Variants in PIK3C2G observed in about 807,000 individuals in gnomAD.
PIK3C2G encodes the protein phosphatidylinositol 3-kinase C2 domain-containing subunit gamma.
In PIK3C2G, 168 loss-of-function variants were observed where a neutral mutation model predicts 181.1. That is an observed-to-expected ratio of 0.93 (90% CI 0.82 to 1.05). The LOEUF is 1.05. PIK3C2G is among the 50% of genes least tolerant of loss of function. The pLI is 0.00. For missense variants in PIK3C2G, 1,869 were observed against 1,732.8 expected (o/e 1.08, Z -1.40); for synonymous variants, 573 against 592.2 (o/e 0.97, Z 0.47).
chr12:18,587,167 C>T (rs1254414988), intron 29 of PIK3C2G, among the ~76,000 whole-genome samples: 5 of 152,114 alleles, frequency 3.3e-5, no homozygotes, highest in Non-Finnish European at 5.9e-5. Context: ...TGTCTTCCCT[C>T]ATCACTCCTA....
intron 11 of PIK3C2G, among the ~76,000 whole-genome samples, chr12:18,358,041 C>T (rs1160354013): frequency 3.9e-5 from 6 of 152,154 alleles, no homozygotes; most frequent in African/African-American, 1.4e-4. Flanking sequence ...CTACTGTGAA[C>T]AATGTTGAAA....
At chr12:18,686,283 G>A in the PIK3C2G span, among the ~76,000 whole-genome samples, 2 of 151,974 alleles carry the variant, frequency 1.3e-5, no homozygotes, top group South Asian at 4.2e-4. Flanking sequence ...ACTCAACTCT[G>A]TTAAAGTTAT....
chr12:18,592,525 T>G (rs916891232), intron 29 of PIK3C2G, among the ~76,000 whole-genome samples: 1 of 151,858 alleles, frequency 6.6e-6, no homozygotes, highest in African/African-American at 2.4e-5. Context: ...TCAGAGGACA[T>G]TTAGTGGCAG....
intron 1 of PIK3C2G, among the ~76,000 whole-genome samples, chr12:18,269,912 C>CTT (rs367550750): frequency 0.35 from 48,294 of 136,702 alleles, 8,951 homozygotes; most frequent in Non-Finnish European, 0.42. Context: ...TTTTTCTTTT[C>CTT]TTTTTTTTTT....
chr12:18,495,752 T>C (rs959450223), intron 20 of PIK3C2G, among the ~76,000 whole-genome samples: 1 of 152,174 alleles, frequency 6.6e-6, no homozygotes, highest in Non-Finnish European at 1.5e-5. Flanking sequence ...CCAATATTCA[T>C]ACACTGCTTA....
At chr12:18,719,044 T>C in the PIK3C2G span, among the ~76,000 whole-genome samples, 1 of 152,198 alleles carries the variant, frequency 6.6e-6, no homozygotes, top group African/African-American at 2.4e-5. Flanking sequence ...ATAGTATGTG[T>C]CCTGATGTCT....
chr12:18,703,863 CA>C, the PIK3C2G span, among the ~76,000 whole-genome samples: 38 of 151,244 alleles, frequency 2.5e-4, no homozygotes, highest in Middle Eastern at 3.4e-3. Context: ...TTTAAGTTGG[CA>C]AAAAAAATAA....
intron 12 of PIK3C2G, among the ~76,000 whole-genome samples, chr12:18,367,038 TA>T (rs886366838): frequency 6.6e-6 from 1 of 152,012 alleles, no homozygotes; most frequent in Non-Finnish European, 1.5e-5. Flanking sequence ...ATTCTTGTTA[TA>T]AAAAAAGCTC....
intron 8 of PIK3C2G, among the ~76,000 whole-genome samples, chr12:18,332,446 G>A (rs911041377): frequency 6.6e-6 from 1 of 152,082 alleles, no homozygotes; most frequent in Admixed American, 6.6e-5. Flanking sequence ...TAGGACTCTT[G>A]GAGCATTCCT....
At chr12:18,467,486 GT>G (rs36102724) in intron 18 of PIK3C2G, among the ~76,000 whole-genome samples, 32,565 of 146,010 alleles carry the variant, frequency 0.22, 3,779 homozygotes, top group African/African-American at 0.29. Flanking sequence ...TTATTTACAG[GT>G]TTTTTTTTTT....
chr12:18,684,289 A>T, the PIK3C2G span: 1 of 1,592,180 alleles, frequency 6.3e-7, no homozygotes. Context: ...GCTGAAATAT[A>T]AAAAAAGAAG....
At position 18,505,408 on chromosome 12, in the gene PIK3C2G, T is replaced by A; in HGVS notation, c.3270T>A (p.His1090Gln). The change falls in exon 24 of 33, where the codon CAT becomes CAA. Residue 1090 changes from histidine (H) to glutamine (Q), a missense_variant. Coordinates refer to ENST00000538779, the MANE Select transcript of PIK3C2G (RefSeq NM_001288772.2). ...TGACAAAGTCGGGCCACATGTTTCA[T>A]ATTGACTTTGGAAAATTCTTAGGTC... ...IMLTKSGHMF[H>Q]IDFGKFLGHA... The A allele has an allele frequency of 6.2e-7, 1 of 1,613,590 alleles. No individual in the cohort carries two copies. The highest frequency in any genetic ancestry group is 1.1e-5 in the South Asian group (1 of 90,960).
chr12:18,474,003 T>C (rs1938720140), intron 18 of PIK3C2G, among the ~76,000 whole-genome samples: 1 of 152,140 alleles, frequency 6.6e-6, no homozygotes, highest in African/African-American at 2.4e-5. Flanking sequence ...TTTGGTAAAA[T>C]GAGCCACACA....
intron 31 of PIK3C2G, among the ~76,000 whole-genome samples, chr12:18,614,797 G>C (rs1266319711): frequency 6.6e-6 from 1 of 151,930 alleles, no homozygotes; most frequent in African/African-American, 2.4e-5. Context: ...TGCCTGATGG[G>C]CATTTACAGT....
chr12:18,368,282 T>C (rs943816803), intron 12 of PIK3C2G, among the ~76,000 whole-genome samples: 1 of 152,218 alleles, frequency 6.6e-6, no homozygotes, highest in African/African-American at 2.4e-5. Context: ...AATAAATGAA[T>C]ATAATGCGGT....
the PIK3C2G span, among the ~76,000 whole-genome samples, chr12:18,653,631 G>A: frequency 9.6e-4 from 146 of 152,194 alleles, no homozygotes; most frequent in African/African-American, 3.3e-3. Flanking sequence ...GAGCACTGGA[G>A]GAGACAAAAC....
At chr12:18,459,194 A>C (rs1947792615) in intron 18 of PIK3C2G, among the ~76,000 whole-genome samples, 1 of 152,166 alleles carries the variant, frequency 6.6e-6, no homozygotes, top group South Asian at 2.1e-4. Context: ...TCATAAGTTA[A>C]AATTTTTTAA....
At chr12:18,331,133 C>T (rs1937917864) in intron 8 of PIK3C2G, among the ~76,000 whole-genome samples, 1 of 152,018 alleles carries the variant, frequency 6.6e-6, no homozygotes, top group Non-Finnish European at 1.5e-5. Context: ...CCTTAATTAC[C>T]ATACGTTCAT....
At chr12:18,505,032 C>T (rs976846791) in intron 23 of PIK3C2G, among the ~76,000 whole-genome samples, 1 of 152,132 alleles carries the variant, frequency 6.6e-6, no homozygotes, top group African/African-American at 2.4e-5. Flanking sequence ...TGAAAATTAG[C>T]TCCATCTGAA....
Sources: allele counts gnomAD v4.1 joint callset (sites outside exome capture counted in the v4.1 genomes callset), GRCh38; gene constraint gnomAD v4.1.1; transcripts MANE v1.5; gene names NCBI Gene and HGNC (gene_info 2026-07-23, HGNC 2026-07-21).